Variants in ATAD2B observed in about 807,000 individuals in gnomAD.
ATAD2B encodes the protein ATPase family AAA domain containing 2B.
In ATAD2B, 40 loss-of-function variants were observed where a neutral mutation model predicts 167.6. That is an observed-to-expected ratio of 0.24 (90% CI 0.19 to 0.31). The LOEUF (loss-of-function observed/expected upper bound fraction) is 0.31. Ranked by LOEUF, ATAD2B falls within the 10% of genes least tolerant of loss-of-function variation. ATAD2B has a pLI of 1.00. For missense variants in ATAD2B, 1,242 were observed against 1,757.2 expected (o/e 0.71, Z 5.24); for synonymous variants, 579 against 596.5 (o/e 0.97, Z 0.43).
At chr2:23,754,807 A>C (rs778126203) in intron 25 of ATAD2B, 33 bp from the exon 26 acceptor site, 5 of 1,593,412 alleles carry the variant, frequency 3.1e-6, no homozygotes, top group Non-Finnish European at 4.3e-6. Flanking sequence ...CACTGCAGCA[A>C]GTAAAAGTTA....
chr2:23,761,377 A>G (rs1676721010), intron 24 of ATAD2B, among the ~76,000 whole-genome samples: 1 of 152,254 alleles, frequency 6.6e-6, no homozygotes, highest in Non-Finnish European at 1.5e-5. Context: ...ACACTTTTTG[A>G]GCACTGACAT....
the ATAD2B span, among the ~76,000 whole-genome samples, chr2:23,737,452 T>A: frequency 1.3e-5 from 2 of 152,310 alleles, no homozygotes; most frequent in East Asian, 3.9e-4. Flanking sequence ...GGAGTGGACC[T>A]CTAGCAAACT....
intron 1 of ATAD2B, among the ~76,000 whole-genome samples, chr2:23,906,994 C>A (rs189964682): frequency 0.14 from 19,198 of 138,282 alleles, 1,771 homozygotes; most frequent in Middle Eastern, 0.22. Flanking sequence ...ATATATGACA[C>A]ACTCACAGCC....
chr2:23,683,068 A>G, the ATAD2B span, among the ~76,000 whole-genome samples: 1 of 152,228 alleles, frequency 6.6e-6, no homozygotes, highest in East Asian at 1.9e-4. Flanking sequence ...CTCAATCCCC[A>G]TTTTACAGAT....
intron 1 of ATAD2B, among the ~76,000 whole-genome samples, chr2:23,915,586 C>CTCT (rs1702926969): frequency 1.5e-5 from 1 of 65,238 alleles, no homozygotes; most frequent in Non-Finnish European, 2.7e-5. Flanking sequence ...ACTACCGATT[C>CTCT]TTTTTTTTTT....
At chr2:23,921,862 A>G (rs759548216) in intron 1 of ATAD2B, among the ~76,000 whole-genome samples, 1 of 152,184 alleles carries the variant, frequency 6.6e-6, no homozygotes, top group Non-Finnish European at 1.5e-5. Context: ...TGATGAACTT[A>G]TATTTTCCCC....
the ATAD2B span, among the ~76,000 whole-genome samples, chr2:23,738,825 C>A: frequency 1.3e-5 from 2 of 152,096 alleles, no homozygotes; most frequent in South Asian, 4.1e-4. Flanking sequence ...CAGAGACACA[C>A]ATAGGCTCAA....
intron 13 of ATAD2B, among the ~76,000 whole-genome samples, chr2:23,843,414 T>TC (rs752779256): frequency 2.0e-5 from 3 of 152,124 alleles, no homozygotes; most frequent in Non-Finnish European, 2.9e-5. Context: ...AAGTAAAAGA[T>TC]ACAGAGCAAG....
intron 17 of ATAD2B, among the ~76,000 whole-genome samples, chr2:23,813,880 A>C (rs1295518856): frequency 6.6e-6 from 1 of 152,224 alleles, no homozygotes; most frequent in Non-Finnish European, 1.5e-5. Context: ...ATTTATTTTT[A>C]ATTCATAATA....
intron 24 of ATAD2B, among the ~76,000 whole-genome samples, chr2:23,761,944 A>T (rs1319914665): frequency 2.0e-5 from 3 of 152,232 alleles, no homozygotes; most frequent in Non-Finnish European, 4.4e-5. Context: ...TGGCTATCCA[A>T]AAACCAAAGT....
At chr2:23,922,289 A>G (rs1348925357) in intron 1 of ATAD2B, among the ~76,000 whole-genome samples, 1 of 152,104 alleles carries the variant, frequency 6.6e-6, no homozygotes, top group Admixed American at 6.6e-5. Context: ...GTTTACTAGG[A>G]GTGACACCTA....
chr2:23,837,406 T>C (rs1266790115), intron 13 of ATAD2B, among the ~76,000 whole-genome samples: 1 of 152,136 alleles, frequency 6.6e-6, no homozygotes, highest in Non-Finnish European at 1.5e-5. Flanking sequence ...TAGCTGCACC[T>C]GGGAGGGCTG....
the ATAD2B span, among the ~76,000 whole-genome samples, chr2:23,733,802 A>G: frequency 6.6e-6 from 1 of 152,086 alleles, no homozygotes; most frequent in Admixed American, 6.5e-5. Context: ...CATCCCTACT[A>G]TACCTTCCCC....
At chr2:23,867,104 C>T (rs545040791) in intron 10 of ATAD2B, among the ~76,000 whole-genome samples, 1 of 152,248 alleles carries the variant, frequency 6.6e-6, no homozygotes, top group African/African-American at 2.4e-5. Context: ...TAACCCATTA[C>T]CTACAAGGTG....
At chr2:23,866,618 T>C (rs1234642284) in intron 10 of ATAD2B, among the ~76,000 whole-genome samples, 2 of 152,200 alleles carry the variant, frequency 1.3e-5, no homozygotes, top group Non-Finnish European at 2.9e-5. Context: ...TAAGGTCTTC[T>C]GAGAAGGTGC....
intron 13 of ATAD2B, among the ~76,000 whole-genome samples, chr2:23,842,265 T>C (rs1203228315): frequency 1.3e-5 from 2 of 152,196 alleles, no homozygotes; most frequent in Admixed American, 6.5e-5. Context: ...TTAGGGATTA[T>C]ACATTACGTT....
At chr2:23,858,105 T>C (rs1693721557) in intron 12 of ATAD2B, among the ~76,000 whole-genome samples, 1 of 150,196 alleles carries the variant, frequency 6.7e-6, no homozygotes. Flanking sequence ...TATTTATTTG[T>C]TTTAGGTTTT....
chr2:23,786,480 G>C (rs1233002118), intron 20 of ATAD2B, among the ~76,000 whole-genome samples: 2 of 151,998 alleles, frequency 1.3e-5, no homozygotes, highest in Non-Finnish European at 2.9e-5. Context: ...ATTGCTCCTA[G>C]GCTACAAACC....
At chr2:23,898,271 A>G (rs1700376190) in intron 1 of ATAD2B, among the ~76,000 whole-genome samples, 1 of 152,208 alleles carries the variant, frequency 6.6e-6, no homozygotes, top group Non-Finnish European at 1.5e-5. Context: ...TGAACAAAAA[A>G]TATTTGCCAC....
Sources: gnomAD v4.1 joint callset for allele counts (sites outside exome capture counted in the v4.1 genomes callset) on GRCh38, gnomAD v4.1.1 for gene constraint, MANE v1.5 for transcripts, NCBI Gene and HGNC (gene_info 2026-07-23, HGNC 2026-07-21) for gene names.